Variants in ACYP1 observed in about 807,000 individuals in gnomAD.
The protein encoded by ACYP1 is acylphosphatase 1, also known as acylphosphatase-1.
Under a neutral mutation model 10.4 loss-of-function variants are expected in ACYP1, and 8 were observed. The ratio of observed to expected loss-of-function variants is 0.77; its 90% CI spans 0.45 to 1.38. The LOEUF is 1.38. Ranked by LOEUF, ACYP1 falls within the 40% of genes most tolerant of loss-of-function variation. ACYP1 has a pLI of 0.00. For missense variants in ACYP1, 93 were observed against 117.3 expected, an observed-to-expected ratio of 0.79 and a Z score of 0.96; for synonymous variants, 38 against 40.8, an observed-to-expected ratio of 0.93 and a Z score of 0.26.
chr14:75,063,297 C>T, intron 2 of ACYP1, 173 bp downstream of exon 2: 1 of 603,518 alleles, frequency 1.7e-6, no homozygotes. Flanking sequence ...CTTCCATTTA[C>T]ACCATGTTTT....
chr14:75,067,453 G>A (rs959141408), upstream of ACYP1, among the ~76,000 whole-genome samples: 1 of 152,160 alleles, frequency 6.6e-6, no homozygotes, highest in Admixed American at 6.5e-5. Flanking sequence ...TGGTAGCTTT[G>A]TAGTTAAATA....
chr14:75,062,837 C>T (rs1418265973), intron 2 of ACYP1, among the ~76,000 whole-genome samples: 1 of 152,094 alleles, frequency 6.6e-6, no homozygotes, highest in Non-Finnish European at 1.5e-5. Flanking sequence ...TAGAGGCTGC[C>T]AACAGTTTGT....
chr14:75,067,116 A>C (rs971712767), upstream of ACYP1, among the ~76,000 whole-genome samples: 1 of 152,112 alleles, frequency 6.6e-6, no homozygotes, highest in Non-Finnish European at 1.5e-5. Context: ...GCTGTCATTT[A>C]AACACAGGTG....
In ACYP1 at chr14:75,064,007, C is replaced by A; in HGVS notation, c.-62G>T. On this transcript the variant is annotated 5_prime_UTR_variant, in exon 1 of 3. Coordinates refer to ENST00000238618, the MANE Select transcript of ACYP1 (RefSeq NM_001107.5). ...GATCACTCCGGGACCACCACGCCAA[C>A]GGCTCACCAAGGCGCGCAAACCTCC... 1.0e-6 allele frequency: 1 copy of A among 989,122 alleles called. No homozygotes were observed. Among genetic ancestry groups the A allele is most frequent in the Non-Finnish European group, 1.2e-6 (1 of 831,934 alleles). 61.3% of individuals were successfully genotyped at this position (989,122 alleles called of 1,614,324 possible).
intron 2 of ACYP1, among the ~76,000 whole-genome samples, chr14:75,062,714 G>A (rs1187951306): frequency 6.6e-6 from 1 of 151,110 alleles, no homozygotes; most frequent in Non-Finnish European, 1.5e-5. Flanking sequence ...TTATCTGTGG[G>A]ATTAGCGACA....
upstream of ACYP1, among the ~76,000 whole-genome samples, chr14:75,065,673 T>C (rs1893130516): frequency 6.6e-6 from 1 of 152,110 alleles, no homozygotes; most frequent in Admixed American, 6.5e-5. Context: ...GACAATAAAA[T>C]ATATGGCATG....
In ACYP1 at chr14:75,053,666, G is replaced by T. The variant is rs747850351; in HGVS notation, c.85-7C>A. 1.2e-6 allele frequency: 2 copies of T among 1,612,146 alleles called. No homozygotes were observed. Among genetic ancestry groups the T allele is most frequent in the African/African-American group, 1.3e-5 (1 of 74,868 alleles). On this transcript the variant is annotated splice_region_variant and splice_polypyrimidine_tract_variant and intron_variant, in intron 2 of 2. Coordinates refer to ENST00000238618, the MANE Select transcript of ACYP1 (RefSeq NM_001107.5). ...CCAGCTTTTTACCCTCAGCCTAAGG[G>T]GGGTAAAAAGAGAGAGAGATCCAGT...
At chr14:75,066,456 T>C (rs544066795), upstream of ACYP1, among the ~76,000 whole-genome samples, 31 of 152,206 alleles carry the variant, frequency 2.0e-4, no homozygotes, top group East Asian at 5.6e-3. Context: ...AGAGCAGATA[T>C]TGAAGGCAAG....
rs535797857 is a variant in ACYP1, at chr14:75,056,570, G to GA, written c.85-2912dup. Among the ~76,000 whole-genome samples, 345 of 150,354 alleles carry GA rather than the reference G, an allele frequency of 2.3e-3. 13 individuals are homozygous for GA. The highest frequency in any genetic ancestry group is 8.1e-3 in the African/African-American group (331 of 40,614). On this transcript the variant is annotated intron_variant, in intron 2 of 2. Coordinates refer to ENST00000238618, the MANE Select transcript of ACYP1 (RefSeq NM_001107.5). ...CCTCCCAAAAACAAAGCTGTCACGA[G>GA]AAAAAACAACCAAAAAACCATAGAC...
At chr14:75,064,924 G>A (rs1893117624), upstream of ACYP1, among the ~76,000 whole-genome samples, 1 of 152,160 alleles carries the variant, frequency 6.6e-6, no homozygotes, top group African/African-American at 2.4e-5. Flanking sequence ...GCTTCTGGAA[G>A]CTACTCACCG....
chr14:75,069,191 C>CG (rs1251725403), intron 1 of ACYP1: 5 of 1,515,594 alleles, frequency 3.3e-6, no homozygotes, highest in Admixed American at 2.1e-5. Flanking sequence ...AAGCAAGGAG[C>CG]GCGCGCGTGC....
Position 75,062,541 on chromosome 14 carries a change from T to C in ACYP1, c.84+929A>G, listed in dbSNP as rs558787167. Among the ~76,000 whole-genome samples the C allele has an allele frequency of 3.3e-5, 5 of 150,502 alleles. No homozygotes were observed. In the South Asian group the frequency reaches 1.0e-3, roughly 31 times the overall value. On this transcript the variant is annotated intron_variant, in intron 2 of 2. Coordinates refer to ENST00000238618, the MANE Select transcript of ACYP1 (RefSeq NM_001107.5). ...AAGAAGTTCTGCAGTCCTGGCCGGG[T>C]GCGGTGGCTCACACCTGTAATCCCA...
upstream of ACYP1, among the ~76,000 whole-genome samples, chr14:75,066,713 G>T (rs570447427): frequency 6.6e-6 from 1 of 152,112 alleles, no homozygotes; most frequent in African/African-American, 2.4e-5. Context: ...TTAGTTGGGC[G>T]TGGTGGTGCA....
At chr14:75,069,243 G>T in exon 1 of ACYP1, 1 of 1,501,672 alleles carries the variant, frequency 6.7e-7, no homozygotes, top group Non-Finnish European at 8.8e-7. Context: ...AGCGCGCGGA[G>T]AAAGGCCAGC....
chr14:75,069,284 G>A, exon 1 of ACYP1: 1 of 1,442,092 alleles, frequency 6.9e-7, no homozygotes, highest in Non-Finnish European at 9.0e-7. Flanking sequence ...GCGGGCGGAC[G>A]CCGGCATCCT....
chr14:75,059,033 A>G (rs1315435566), intron 2 of ACYP1, among the ~76,000 whole-genome samples: 1 of 151,972 alleles, frequency 6.6e-6, no homozygotes, highest in Non-Finnish European at 1.5e-5. Flanking sequence ...CCCCGTCGCT[A>G]CTAAAAATGC....
chr14:75,061,104 T>G (rs1432547878), intron 2 of ACYP1, among the ~76,000 whole-genome samples: 1 of 133,130 alleles, frequency 7.5e-6, no homozygotes, highest in Non-Finnish European at 1.7e-5. Context: ...ACAACAACAA[T>G]CTAGAATAGG....
intron 1 of ACYP1, 21 bp downstream of exon 1, chr14:75,063,933 T>G (rs1893094522): frequency 1.0e-6 from 1 of 1,001,914 alleles, no homozygotes; most frequent in Non-Finnish European, 1.2e-6. Flanking sequence ...AAGCACACCC[T>G]GGGGGCCCCT....
At position 75,053,413 on chromosome 14, in the gene ACYP1, A is replaced by G; in HGVS notation, c.*31T>C. 1.3e-6 allele frequency: 2 copies of G among 1,584,520 alleles called. No individual in the cohort carries two copies. The highest frequency in any genetic ancestry group is 1.3e-5 in the African/African-American group (1 of 74,312). ...ATTAATAATAAAAACCAAACCACTG[A>G]GTTTATCTTAGAAAACTTAAATTCA... is the stretch of plus-strand genomic sequence containing the variant. On this transcript the variant is annotated 3_prime_UTR_variant, in exon 3 of 3. Transcript: ENST00000238618.
Sources: gnomAD v4.1 joint callset for allele counts (sites outside exome capture counted in the v4.1 genomes callset) on GRCh38, gnomAD v4.1.1 for gene constraint, MANE v1.5 for transcripts, NCBI Gene and HGNC (gene_info 2026-07-23, HGNC 2026-07-21) for gene names.